Variants in NAV3 observed in about 807,000 individuals in gnomAD.
The protein encoded by NAV3 is pore membrane and/or filament interacting like protein 1.
NAV3 carries 87 observed loss-of-function variants against 244.7 expected under a neutral mutation model. The ratio of observed to expected loss-of-function variants is 0.36; its 90% confidence interval spans 0.30 to 0.42. The LOEUF (loss-of-function observed/expected upper bound fraction) is 0.42, where lower values mean the gene tolerates loss of function less well. NAV3 is among the 20% of genes least tolerant of loss of function. The pLI is 1.00. For synonymous variants in NAV3, 1,126 were observed against 1,042.2 expected (o/e 1.08, Z -1.55); for missense variants, 2,663 against 2,893.3 (o/e 0.92, Z 1.83).
At position 78,188,196 on chromosome 12, in the gene NAV3, T is replaced by TA. The variant is rs1474801812; in HGVS notation, c.5791-46dup. 9.8e-6 allele frequency: 13 copies of TA among 1,322,496 alleles called. No homozygotes were observed. The Admixed American group carries it at 2.3e-4, about 24-fold the overall frequency. 81.9% of individuals were successfully genotyped at this position (1,322,496 alleles called of 1,614,324 possible). On this transcript the variant is annotated intron_variant, in intron 31 of 39. Transcript: ENST00000397909. Reference sequence around the variant, plus strand: ...CTAATTTTAGTAGAAAATGTAGTAATAAAAAAGATACACGGTTGGATTTTA... The same window carrying TA: ...CTAATTTTAGTAGAAAATGTAGTAATAAAAAAAGATACACGGTTGGATTTTA...
At chr12:78,004,997 T>C (rs1013811564) in intron 7 of NAV3, among the ~76,000 whole-genome samples, 2 of 152,218 alleles carry the variant, frequency 1.3e-5, no homozygotes, top group African/African-American at 4.8e-5. Flanking sequence ...TTCTAGCTAA[T>C]GTCTTCAACT....
intron 31 of NAV3, among the ~76,000 whole-genome samples, chr12:78,186,541 T>C (rs1364637708): frequency 1.3e-5 from 2 of 151,896 alleles, no homozygotes; most frequent in Non-Finnish European, 2.9e-5. Context: ...GTAATACTCT[T>C]AGTGAAACAT....
At chr12:77,922,863 C>T (rs1207518216) in intron 1 of NAV3, among the ~76,000 whole-genome samples, 2 of 152,096 alleles carry the variant, frequency 1.3e-5, no homozygotes, top group Non-Finnish European at 2.9e-5. Context: ...TAATCCAGAA[C>T]ATTTTTAATT....
intron 2 of NAV3, among the ~76,000 whole-genome samples, chr12:77,806,867 A>G (rs1408585158): frequency 3.3e-5 from 5 of 152,196 alleles, no homozygotes; most frequent in Non-Finnish European, 7.3e-5. Context: ...GGATGCATAT[A>G]TATTTAGGAT....
intron 12 of NAV3, among the ~76,000 whole-genome samples, chr12:78,102,327 C>G (rs979125175): frequency 1.3e-5 from 2 of 152,206 alleles, no homozygotes; most frequent in Non-Finnish European, 2.9e-5. Flanking sequence ...CCAAAATGAT[C>G]TCTTTTGACT....
chr12:77,990,038 A>G (rs2136344155), intron 5 of NAV3, among the ~76,000 whole-genome samples: 1 of 152,298 alleles, frequency 6.6e-6, no homozygotes, highest in African/African-American at 2.4e-5. Flanking sequence ...ATTTAAAACA[A>G]ATTAAGTATA....
At chr12:77,863,647 GT>G (rs1879584590) in intron 1 of NAV3, among the ~76,000 whole-genome samples, 1 of 151,460 alleles carries the variant, frequency 6.6e-6, no homozygotes, top group African/African-American at 2.4e-5. Context: ...TGACAGAAAT[GT>G]TTACGGAATT....
intron 9 of NAV3, among the ~76,000 whole-genome samples, chr12:78,028,380 G>C (rs1309241975): frequency 6.6e-6 from 1 of 152,148 alleles, no homozygotes; most frequent in East Asian, 1.9e-4. Flanking sequence ...GTGATAAATA[G>C]TGAAAACATA....
chr12:77,780,585 G>C (rs1178418731), intron 2 of NAV3, among the ~76,000 whole-genome samples: 2 of 152,158 alleles, frequency 1.3e-5, no homozygotes, highest in African/African-American at 4.8e-5. Context: ...TTTGTGCGAA[G>C]ATTGGTCAGT....
Position 78,122,256 on chromosome 12 carries a change from G to A in NAV3, c.4066G>A (p.Gly1356Ser). 6.2e-7 allele frequency: 1 copy of A among 1,614,182 alleles called. No homozygotes were observed. Among genetic ancestry groups the A allele is most frequent in the Non-Finnish European group, 8.5e-7 (1 of 1,180,030 alleles). The change falls in exon 16 of 40, where the codon GGC (glycine) becomes AGC (serine). Residue 1356 changes from glycine to serine, a missense_variant. By Grantham distance (56) the Gly-to-Ser change is moderately conservative. Transcript: ENST00000397909. ...WAANMSSSSA[G>S]SKDTPSYQSM... is the part of the protein sequence containing the mutation. ...TGCCAATATGAGCAGTTCCTCTGCA[G>A]GCAGCAAGGATACTCCGAGCTACCA...
In NAV3 at chr12:77,593,992, G is replaced by C. The variant is rs146732469; in HGVS notation, c.72+21726G>C. On this transcript the variant is annotated intron_variant, in intron 2 of 8. Coordinates refer to the NAV3 transcript ENST00000550042. ...CACATGGTGTTTACTACTAACTTTT[G>C]AACTTAATTTTACTTAATATATATT... Among the ~76,000 whole-genome samples the C allele has an allele frequency of 4.1e-3, 623 of 151,996 alleles. 4 individuals are homozygous for C. The highest frequency in any genetic ancestry group is 0.015 in the African/African-American group (606 of 41,432).
At chr12:77,727,987 T>C (rs1019688540) in intron 2 of NAV3, among the ~76,000 whole-genome samples, 1 of 151,804 alleles carries the variant, frequency 6.6e-6, no homozygotes, top group African/African-American at 2.4e-5. Context: ...GCCTCATCAG[T>C]ATTTTTTTTT....
chr12:77,993,817 T>A (rs560815804), intron 5 of NAV3, among the ~76,000 whole-genome samples: 12 of 152,098 alleles, frequency 7.9e-5, no homozygotes, highest in Admixed American at 3.3e-4. Context: ...CTTGGAGGCC[T>A]TGAAAACTGT....
intron 2 of NAV3, among the ~76,000 whole-genome samples, chr12:77,638,651 A>AT (rs1217249154): frequency 3.9e-5 from 6 of 152,224 alleles, no homozygotes; most frequent in Admixed American, 3.9e-4. Context: ...TTCATATACT[A>AT]TTTTTGAATT....
chr12:77,584,956 T>C (rs1489126518), intron 2 of NAV3, among the ~76,000 whole-genome samples: 2 of 152,214 alleles, frequency 1.3e-5, no homozygotes, highest in South Asian at 2.1e-4. Flanking sequence ...TATCTAATTC[T>C]TGAGTGGCAT....
intron 2 of NAV3, among the ~76,000 whole-genome samples, chr12:77,662,679 T>C (rs779298226): frequency 6.6e-5 from 10 of 152,136 alleles, no homozygotes; most frequent in Non-Finnish European, 1.0e-4. Context: ...ATTTTAACTT[T>C]ATAAAAATGA....
At chr12:78,198,918 C>CAAAA (rs71088371) in intron 36 of NAV3, among the ~76,000 whole-genome samples, 2 of 99,516 alleles carry the variant, frequency 2.0e-5, no homozygotes. Context: ...TAAACAAAAA[C>CAAAA]AAAAAAAAAA....
chr12:77,675,486 T>C (rs916826769), intron 2 of NAV3, among the ~76,000 whole-genome samples: 1 of 152,228 alleles, frequency 6.6e-6, no homozygotes, highest in Non-Finnish European at 1.5e-5. Flanking sequence ...CTACTGATTA[T>C]GGATTTTAAT....
rs904052750 is a variant in NAV3, at chr12:78,176,007, G to A, written c.5104-432G>A. Among the ~76,000 whole-genome samples, 17 of 151,966 alleles carry A rather than the reference G, an allele frequency of 1.1e-4. No homozygotes were observed. In the East Asian group the frequency reaches 1.2e-3, roughly 10 times the overall value. ...ACCTTTGGAATCGACAGGGCTTACC[G>A]TGTGAATAGTTTCACCCTAAAAGAA... On this transcript the variant is annotated intron_variant, in intron 25 of 39. Coordinates refer to ENST00000397909, the MANE Select transcript of NAV3 (RefSeq NM_001024383.2).
Sources: gnomAD v4.1 joint callset for allele counts (sites outside exome capture counted in the v4.1 genomes callset) on GRCh38, gnomAD v4.1.1 for gene constraint, MANE v1.5 for transcripts, NCBI Gene and HGNC (gene_info 2026-07-23, HGNC 2026-07-21) for gene names.